ODAD2: variants seen among roughly 807,000 people sequenced by gnomAD.
ODAD2 encodes the protein outer dynein arm-docking complex subunit 2.
A neutral mutation model predicts 106.8 loss-of-function variants in ODAD2; 89 were observed. The observed-to-expected ratio is 0.83, with a 90% CI of 0.70 to 0.99. The LOEUF (loss-of-function observed/expected upper bound fraction) is 0.99, where lower values mean the gene tolerates loss of function less well. ODAD2 is among the 50% of genes least tolerant of loss of function. The pLI is 0.00. For synonymous variants in ODAD2, 404 were observed against 436.2 expected (o/e 0.93, Z 0.92); for missense variants, 1,168 against 1,238.5 (o/e 0.94, Z 0.85).
intron 10 of ODAD2, among the ~76,000 whole-genome samples, chr10:27,951,981 AG>A (rs1346980020): frequency 6.7e-6 from 1 of 149,158 alleles, no homozygotes; most frequent in Non-Finnish European, 1.5e-5. Flanking sequence ...AGGCTGAGAC[AG>A]GAGAATTGCT....
Position 27,924,019 on chromosome 10 carries a change from AAAG to A in ODAD2, c.2495+10988_2495+10990del, listed in dbSNP as rs1421901364. Among the ~76,000 whole-genome samples the A allele has an allele frequency of 1.4e-4, 20 of 144,662 alleles. 2 individuals are homozygous for A. The highest frequency in any genetic ancestry group is 8.9e-4 in the Admixed American group (13 of 14,584). The allele number at this position is 144,662 out of a possible 152,430, so 94.9% of individuals were successfully genotyped here. A position where few individuals can be genotyped will look rare whatever the true frequency, so the allele number is the denominator to read the frequency against. On this transcript the variant is annotated intron_variant, in intron 16 of 19. Transcript: ENST00000305242. The stretch of plus-strand genomic sequence containing the variant: ...GAAAGAAAGAAAGAAAGAAAGAAAG[AAAG>A]AAGGAAAGAGAAAGAAAGAAGGAAA...
intron 19 of ODAD2, among the ~76,000 whole-genome samples, chr10:27,815,321 T>C (rs897676841): frequency 4.6e-5 from 7 of 152,184 alleles, no homozygotes; most frequent in Non-Finnish European, 1.0e-4. Flanking sequence ...GTCTTACACA[T>C]TAAAAATAAA....
intron 9 of ODAD2, among the ~76,000 whole-genome samples, chr10:27,966,631 G>A (rs1031611216): frequency 2.0e-5 from 3 of 152,238 alleles, no homozygotes; most frequent in Middle Eastern, 3.4e-3. Context: ...TCCACCTTAA[G>A]AAATACTTCT....
At chr10:27,942,121 G>A (rs755359952) in intron 12 of ODAD2, among the ~76,000 whole-genome samples, 2 of 152,184 alleles carry the variant, frequency 1.3e-5, no homozygotes, top group African/African-American at 2.4e-5. Flanking sequence ...GTATGGAAGT[G>A]CTCAGAAAGC....
At chr10:27,882,094 A>T (rs1841746344) in intron 17 of ODAD2, among the ~76,000 whole-genome samples, 1 of 151,768 alleles carries the variant, frequency 6.6e-6, no homozygotes, top group Non-Finnish European at 1.5e-5. Context: ...ACTTGAGCCC[A>T]GGAGACAGAG....
At chr10:27,933,296 T>C (rs527540247) in intron 16 of ODAD2, among the ~76,000 whole-genome samples, 34 of 152,118 alleles carry the variant, frequency 2.2e-4, no homozygotes, top group African/African-American at 8.0e-4. Context: ...CTCCAGACAA[T>C]TGATATTTGC....
At position 27,862,718 on chromosome 10, in the gene ODAD2, T is replaced by C. The variant is rs568247937; in HGVS notation, c.2611-96A>G. On this transcript the variant is annotated intron_variant, in intron 17 of 19. Coordinates refer to ENST00000305242, the MANE Select transcript of ODAD2 (RefSeq NM_018076.5). ...AGTAACAATACAGCTGTGAGGTACA[T>C]CTTTGGCATGAAAGACTACTTCAAC... The C allele has an allele frequency of 5.6e-4, 435 of 780,634 alleles. 2 individuals are homozygous for C. The South Asian group carries it at 6.0e-3, about 11-fold the overall frequency. The allele number at this position is 780,634 out of a possible 1,614,324, so 48.4% of individuals were successfully genotyped here. A position where few individuals can be genotyped will look rare whatever the true frequency, so the allele number is the denominator to read the frequency against.
upstream of ODAD2, chr10:27,999,661 T>G (rs1417102414): frequency 3.4e-5 from 4 of 118,358 alleles, no homozygotes; most frequent in Admixed American, 8.7e-5. Context: ...GATAAAGGAG[T>G]GGGAATATTG....
intron 16 of ODAD2, among the ~76,000 whole-genome samples, chr10:27,933,811 T>A (rs905510342): frequency 6.6e-5 from 10 of 152,254 alleles, no homozygotes; most frequent in African/African-American, 2.4e-4. Flanking sequence ...TAATCATGTA[T>A]GCAACTTGTA....
At chr10:27,940,443 A>T in intron 13 of ODAD2, 120 bp downstream of exon 13, 2 of 1,228,462 alleles carry the variant, frequency 1.6e-6, no homozygotes, top group Non-Finnish European at 2.3e-6. Flanking sequence ...TCTCTTTCTC[A>T]TAGAATGCTG....
intron 17 of ODAD2, among the ~76,000 whole-genome samples, chr10:27,872,199 T>C (rs1840952453): frequency 6.6e-6 from 1 of 152,096 alleles, no homozygotes; most frequent in Non-Finnish European, 1.5e-5. Flanking sequence ...TTTCTGCACA[T>C]TGATTTTGTA....
rs1214724170 is a variant in ODAD2 at position 27,981,618 on chromosome 10, A to G, written c.820-36T>C. ...AAACAAGTTTCATTCTATGATTAACATAAGAACAATTGTAAGAAGCTGATC... is the reference window on the plus strand; with the variant it reads ...AAACAAGTTTCATTCTATGATTAACGTAAGAACAATTGTAAGAAGCTGATC... On this transcript the variant is annotated intron_variant, in intron 6 of 19. Coordinates refer to ENST00000305242, the MANE Select transcript of ODAD2 (RefSeq NM_018076.5). The G allele has an allele frequency of 1.3e-5, 18 of 1,364,246 alleles. 1 individual carries two copies. Among genetic ancestry groups the G allele is most frequent in the Non-Finnish European group, 1.5e-5 (15 of 1,002,688 alleles). The allele number at this position is 1,364,246 out of a possible 1,614,324, so 84.5% of individuals were successfully genotyped here. A position where few individuals can be genotyped will look rare whatever the true frequency, so the allele number is the denominator to read the frequency against.
intron 13 of ODAD2, among the ~76,000 whole-genome samples, 166 bp downstream of exon 13, chr10:27,940,397 G>T (rs919612535): frequency 6.6e-6 from 1 of 151,842 alleles, no homozygotes; most frequent in Non-Finnish European, 1.5e-5. Context: ...ATATATCACA[G>T]GTACTGATTT....
chr10:27,949,563 T>C (rs1054673435), intron 10 of ODAD2, among the ~76,000 whole-genome samples: 1 of 152,178 alleles, frequency 6.6e-6, no homozygotes, highest in Non-Finnish European at 1.5e-5. Context: ...GAGTAGAGCA[T>C]GGCATGCTTA....
intron 16 of ODAD2, among the ~76,000 whole-genome samples, chr10:27,934,293 G>A (rs1845811434): frequency 6.6e-6 from 1 of 151,938 alleles, no homozygotes; most frequent in East Asian, 1.9e-4. Flanking sequence ...CACACTTCCT[G>A]TTGGTTCTGT....
intron 17 of ODAD2, among the ~76,000 whole-genome samples, chr10:27,897,318 A>G (rs1218887723): frequency 6.6e-6 from 1 of 152,106 alleles, no homozygotes; most frequent in East Asian, 1.9e-4. Context: ...CCTGACATCC[A>G]GATTCGTGTA....
At chr10:27,866,233 T>A (rs764896532) in intron 17 of ODAD2, among the ~76,000 whole-genome samples, 1 of 152,286 alleles carries the variant, frequency 6.6e-6, no homozygotes, top group South Asian at 2.1e-4. Context: ...AGCTTTAGTA[T>A]TTGCATGTCA....
intron 17 of ODAD2, among the ~76,000 whole-genome samples, chr10:27,869,122 A>G (rs990922549): frequency 2.6e-5 from 4 of 152,218 alleles, no homozygotes; most frequent in African/African-American, 9.6e-5. Context: ...AGAATTAGAT[A>G]TAAAATAAAA....
At chr10:27,962,231 C>A (rs935044828) in intron 9 of ODAD2, among the ~76,000 whole-genome samples, 2 of 152,170 alleles carry the variant, frequency 1.3e-5, no homozygotes, top group African/African-American at 2.4e-5. Context: ...AATAAGACTG[C>A]CACTCATTGC....
Sources: allele counts gnomAD v4.1 joint callset (sites outside exome capture counted in the v4.1 genomes callset), GRCh38; gene constraint gnomAD v4.1.1; transcripts MANE v1.5; gene names NCBI Gene and HGNC (gene_info 2026-07-23, HGNC 2026-07-21).